Variants in RFX8 observed in about 807,000 individuals in gnomAD.
The protein encoded by RFX8 is regulatory factor X8.
In RFX8, 46 loss-of-function variants were observed where a neutral mutation model predicts 54.6. The ratio of observed to expected loss-of-function variants is 0.84; its 90% confidence interval spans 0.67 to 1.08. RFX8 has a LOEUF of 1.08. Ranked by LOEUF, RFX8 falls within the 50% of genes least tolerant of loss-of-function variation. The pLI is 0.00. For missense variants in RFX8, 536 were observed against 562.3 expected (o/e 0.95, Z 0.47); for synonymous variants, 192 against 209.5 (o/e 0.92, Z 0.72).
intron 4 of RFX8, among the ~76,000 whole-genome samples, chr2:101,419,390 C>A (rs1686725704): frequency 6.6e-6 from 1 of 152,194 alleles, no homozygotes; most frequent in Non-Finnish European, 1.5e-5. Flanking sequence ...AGACCCCCTC[C>A]TTGCCATCAA....
chr2:101,415,464 T>C (rs1686438285), intron 6 of RFX8, among the ~76,000 whole-genome samples: 1 of 152,170 alleles, frequency 6.6e-6, no homozygotes, highest in African/African-American at 2.4e-5. Context: ...GCCACCTAGT[T>C]GGTGGCATTT....
In RFX8 at chr2:101,432,413, C is replaced by T. The variant is rs531488308; in HGVS notation, c.73-9941G>A. On this transcript the variant is annotated intron_variant, in intron 2 of 11. Coordinates refer to ENST00000428343, the MANE Select transcript of RFX8 (RefSeq NM_001145664.2). The stretch of plus-strand genomic sequence containing the variant: ...GGCAGATTCAGAGGAGTGAACACCG[C>T]AGGCATTGCCGGGCTTTCGTCTGGC... Among the ~76,000 whole-genome samples the T allele has an allele frequency of 1.1e-4, 17 of 152,312 alleles. No individual in the cohort carries two copies. The South Asian group carries it at 3.3e-3, about 30-fold the overall frequency.
In RFX8 at chr2:101,475,024, G is replaced by T. The variant is rs56052300; in HGVS notation, c.-441C>A. ...GTCCCCATATCTGTAGCCAGGTCCTGCCAGTCCTTGCTCTCAAGAGCCATT... is the reference window on the plus strand; with the variant it reads ...GTCCCCATATCTGTAGCCAGGTCCTTCCAGTCCTTGCTCTCAAGAGCCATT... On this transcript the variant is annotated 5_prime_UTR_variant, in exon 1 of 12. Transcript: ENST00000428343. Among the ~76,000 whole-genome samples, 1,987 of 152,302 alleles carry T rather than the reference G, an allele frequency of 0.013. 48 individuals carry two copies. The highest frequency in any genetic ancestry group is 0.046 in the African/African-American group (1,901 of 41,562).
chr2:101,404,021 T>A (rs996346687), intron 10 of RFX8, among the ~76,000 whole-genome samples: 2 of 152,192 alleles, frequency 1.3e-5, no homozygotes, highest in Non-Finnish European at 2.9e-5. Flanking sequence ...TAGCTTGTAT[T>A]TCTGTGGATG....
At chr2:101,436,053 T>G (rs1315296189) in intron 2 of RFX8, among the ~76,000 whole-genome samples, 4 of 152,048 alleles carry the variant, frequency 2.6e-5, no homozygotes, top group Non-Finnish European at 5.9e-5. Context: ...ACGACCCCCC[T>G]GCTGCATCTG....
At chr2:101,437,763 A>T (rs1233027378) in intron 2 of RFX8, among the ~76,000 whole-genome samples, 1 of 10,936 alleles carries the variant, frequency 9.1e-5, no homozygotes, top group Admixed American at 4.3e-4. Context: ...CACTCTGCTG[A>T]TCTTAAATTT....
intron 11 of RFX8, among the ~76,000 whole-genome samples, chr2:101,399,493 C>A (rs1462559441): frequency 6.6e-6 from 1 of 152,162 alleles, no homozygotes; most frequent in South Asian, 2.1e-4. Flanking sequence ...TATGTAATAT[C>A]TTCTCTATTG....
At chr2:101,420,497 C>G (rs888121971) in intron 4 of RFX8, among the ~76,000 whole-genome samples, 2 of 151,982 alleles carry the variant, frequency 1.3e-5, no homozygotes, top group African/African-American at 4.8e-5. Flanking sequence ...GAGCCGAGAT[C>G]GCACCACTGA....
chr2:101,427,106 C>T (rs1413703391), intron 2 of RFX8, among the ~76,000 whole-genome samples: 1 of 152,188 alleles, frequency 6.6e-6, no homozygotes, highest in South Asian at 2.1e-4. Flanking sequence ...AAAATGAACA[C>T]CCTCCTAAGA....
At chr2:101,428,066 G>GC (rs1398500723) in intron 2 of RFX8, among the ~76,000 whole-genome samples, 1 of 151,660 alleles carries the variant, frequency 6.6e-6, no homozygotes, top group Non-Finnish European at 1.5e-5. Context: ...GGCCAAGGGG[G>GC]GCAGATCTCT....
chr2:101,423,215 G>A (rs1016715977), intron 2 of RFX8, among the ~76,000 whole-genome samples: 40 of 145,422 alleles, frequency 2.8e-4, no homozygotes, highest in Middle Eastern at 3.8e-3. Flanking sequence ...CCAAGATCAC[G>A]CCACTGCACT....
chr2:101,445,985 A>T (rs376566571), intron 2 of RFX8, among the ~76,000 whole-genome samples: 1 of 152,218 alleles, frequency 6.6e-6, no homozygotes, highest in East Asian at 1.9e-4. Context: ...AATAAAATAG[A>T]CACTTTTCAT....
chr2:101,432,798 T>C (rs1187143508), intron 2 of RFX8, among the ~76,000 whole-genome samples: 1 of 152,160 alleles, frequency 6.6e-6, no homozygotes, highest in African/African-American at 2.4e-5. Context: ...AAAGGCGTCT[T>C]CTCCACTTGC....
chr2:101,427,458 C>T (rs570086104), intron 2 of RFX8, among the ~76,000 whole-genome samples: 1 of 152,186 alleles, frequency 6.6e-6, no homozygotes, highest in South Asian at 2.1e-4. Context: ...ATGGGAGGGA[C>T]CTCTAGAAGC....
intron 1 of RFX8, among the ~76,000 whole-genome samples, chr2:101,469,008 A>ATATATATAGGTATATATATATACG (rs1689746871): frequency 3.2e-5 from 1 of 31,178 alleles, no homozygotes; most frequent in Non-Finnish European, 9.7e-5. Context: ...ATATACGTAT[A>ATATATATAGGTATATATATATACG]TATATATAGG....
chr2:101,473,012 C>T (rs1442972301), intron 1 of RFX8, among the ~76,000 whole-genome samples: 2 of 151,452 alleles, frequency 1.3e-5, no homozygotes, highest in African/African-American at 4.9e-5. Context: ...GAGCAAGACT[C>T]TGTCACAAAA....
intron 2 of RFX8, among the ~76,000 whole-genome samples, chr2:101,428,130 C>T (rs1031447384): frequency 9.2e-5 from 14 of 152,128 alleles, no homozygotes; most frequent in Non-Finnish European, 1.3e-4. Flanking sequence ...CCTGTCTCTA[C>T]GAAAAATACA....
intron 2 of RFX8, among the ~76,000 whole-genome samples, chr2:101,465,555 T>G (rs1285973154): frequency 6.6e-6 from 1 of 151,878 alleles, no homozygotes; most frequent in Non-Finnish European, 1.5e-5. Flanking sequence ...CACAAAAAAC[T>G]GAGGTAAAAT....
intron 1 of RFX8, among the ~76,000 whole-genome samples, chr2:101,471,891 C>T (rs1690016905): frequency 6.6e-6 from 1 of 152,202 alleles, no homozygotes; most frequent in Non-Finnish European, 1.5e-5. Flanking sequence ...TGGAAAATGG[C>T]AGGTTTCCTC....
Sources: allele counts gnomAD v4.1 joint callset (sites outside exome capture counted in the v4.1 genomes callset), GRCh38; gene constraint gnomAD v4.1.1; transcripts MANE v1.5; gene names NCBI Gene and HGNC (gene_info 2026-07-23, HGNC 2026-07-21).